ICAM1: variants seen among roughly 807,000 people sequenced by gnomAD.
The protein encoded by ICAM1 is intercellular adhesion molecule 1, also known as ICAM-1.
Under a neutral mutation model 42.3 loss-of-function variants are expected in ICAM1, and 28 were observed. The ratio of observed to expected loss-of-function variants is 0.66; its 90% CI spans 0.49 to 0.91. ICAM1 has a LOEUF of 0.91. ICAM1 is among the 40% of genes least tolerant of loss of function. The pLI, the probability that ICAM1 is intolerant of heterozygous loss-of-function variation, is 0.00. For missense variants in ICAM1, 637 were observed against 688.6 expected (o/e 0.93, Z 0.84); for synonymous variants, 304 against 305.9 (o/e 0.99, Z 0.07).
At chr19:10,274,140 G>A (rs1441686783) in intron 1 of ICAM1, among the ~76,000 whole-genome samples, 9 of 151,944 alleles carry the variant, frequency 5.9e-5, no homozygotes. Context: ...CGGGACATCT[G>A]TACTTGCCTG....
intron 1 of ICAM1, among the ~76,000 whole-genome samples, chr19:10,273,896 C>G (rs1253563717): frequency 6.6e-6 from 1 of 152,028 alleles, no homozygotes; most frequent in African/African-American, 2.4e-5. Context: ...TGCCTGTAAT[C>G]CCAGATACTC....
chr19:10,281,730 T>C (rs1371034329), intron 2 of ICAM1, among the ~76,000 whole-genome samples: 1 of 149,930 alleles, frequency 6.7e-6, no homozygotes, highest in Admixed American at 6.7e-5. Context: ...GCTTTTTTTT[T>C]TTTTTTTTTT....
chr19:10,285,122 G>C lies in ICAM1; in HGVS notation c.1434G>C (p.Arg478=), dbSNP rs752020807. The C allele has an allele frequency of 1.9e-6, 3 of 1,613,994 alleles. No individual in the cohort carries two copies. The highest frequency in any genetic ancestry group is 4.5e-5 in the East Asian group (2 of 44,898). The change falls in exon 7 of 7, where the codon CGG becomes CGC. Residue 478 remains arginine, a synonymous_variant. Transcript: ENST00000264832. ...GTTGTATCCTCCCCACAGCCCCCCG[G>C]TATGAGATTGTCATCATCACTGTGG... The part of the protein sequence containing the change: ...RKVTVNVLSP[R]YEIVIITVVA...
rs2040097436 is a variant in ICAM1, at chr19:10,285,486, T to G, written c.*199T>G. The stretch of plus-strand genomic sequence containing the variant: ...CACACCTAAAACACTAGGCCACGCA[T>G]CTGATCTGTAGTCACATGACTAAGC... On this transcript the variant is annotated 3_prime_UTR_variant, in exon 7 of 7. Transcript: ENST00000264832. 3.4e-6 allele frequency: 2 copies of G among 588,802 alleles called. No homozygotes were observed. Among genetic ancestry groups the G allele is most frequent in the Non-Finnish European group, 6.0e-6 (2 of 330,686 alleles). 36.5% of individuals were successfully genotyped at this position (588,802 alleles called of 1,614,324 possible).
chr19:10,286,555 G>T lies in ICAM1; in HGVS notation c.*1268G>T. The T allele has an allele frequency of 6.1e-6, 1 of 163,020 alleles. No individual in the cohort carries two copies. The highest frequency in any genetic ancestry group is 2.4e-5 in the African/African-American group (1 of 41,628). The allele number at this position is 163,020 out of a possible 1,614,324, so 10.1% of individuals were successfully genotyped here. ...TGATTTTTTTTTTTTTTCCAGAGACGGGGTCTCGCAACATTGCCCAGACTT... is the reference window on the plus strand; with the variant it reads ...TGATTTTTTTTTTTTTTCCAGAGACTGGGTCTCGCAACATTGCCCAGACTT... On this transcript the variant is annotated 3_prime_UTR_variant, in exon 7 of 7. Coordinates refer to ENST00000264832, the MANE Select transcript of ICAM1 (RefSeq NM_000201.3).
At position 10,283,461 on chromosome 19, in the gene ICAM1, C is replaced by G. The variant is rs1320650812; in HGVS notation, c.332-20C>G. The G allele has an allele frequency of 1.4e-5, 21 of 1,530,178 alleles. No homozygotes were observed. Among genetic ancestry groups the G allele is most frequent in the Non-Finnish European group, 1.8e-5 (20 of 1,139,064 alleles). 94.8% of individuals were successfully genotyped at this position (1,530,178 alleles called of 1,614,324 possible). A position where few individuals can be genotyped will look rare whatever the true frequency, so the allele number is the denominator to read the frequency against. Reference sequence around the variant, plus strand: ...GCAAGGTCCACTTCACCAGACACCCCCACCTCTGTTTTCCTGCAGGGACTC... The same window carrying G: ...GCAAGGTCCACTTCACCAGACACCCGCACCTCTGTTTTCCTGCAGGGACTC... On this transcript the variant is annotated intron_variant, in intron 2 of 6. Transcript: ENST00000264832.
intron 2 of ICAM1, among the ~76,000 whole-genome samples, chr19:10,279,437 G>T (rs898997393): frequency 1.3e-5 from 2 of 152,070 alleles, no homozygotes; most frequent in African/African-American, 4.8e-5. Flanking sequence ...AACTACTCTG[G>T]AGGCTCAAGT....
At position 10,274,841 on chromosome 19, in the gene ICAM1, C is replaced by G. The variant is rs200156450; in HGVS notation, c.144C>G (p.Cys48Trp). The change falls in exon 2 of 7, where the codon TGC (cysteine) becomes TGG (tryptophan). Residue 48 changes from cysteine (C) to tryptophan (W), a missense_variant. By Grantham distance (215) the Cys-to-Trp change is radical. Transcript: ENST00000264832. Reference protein sequence around the residue: ...LPRGGSVLVTCSTSCDQPKLL... With the variant: ...LPRGGSVLVTWSTSCDQPKLL... The stretch of plus-strand genomic sequence containing the variant: ...GGGGAGGCTCCGTGCTGGTGACATG[C>G]AGCACCTCCTGTGACCAGCCCAAGT... The G allele has an allele frequency of 6.2e-7, 1 of 1,614,250 alleles. No individual in the cohort carries two copies. Among genetic ancestry groups the G allele is most frequent in the Non-Finnish European group, 8.5e-7 (1 of 1,180,040 alleles).
Position 10,274,969 on chromosome 19 carries a change from T to C in ICAM1, c.272T>C (p.Met91Thr), listed in dbSNP as rs2040006656. The C allele has an allele frequency of 1.2e-6, 2 of 1,614,200 alleles. No homozygotes were observed. Among genetic ancestry groups the C allele is most frequent in the Non-Finnish European group, 1.7e-6 (2 of 1,180,028 alleles). The change falls in exon 2 of 7, where the codon ATG becomes ACG. Residue 91 changes from methionine to threonine, a missense_variant. Coordinates refer to ENST00000264832, the MANE Select transcript of ICAM1 (RefSeq NM_000201.3). ...LSNVQEDSQP[M>T]CYSNCPDGQS... ...AATGTGCAAGAAGATAGCCAACCAATGTGCTATTCAAACTGCCCTGATGGG... is the reference window on the plus strand; with the variant it reads ...AATGTGCAAGAAGATAGCCAACCAACGTGCTATTCAAACTGCCCTGATGGG...
At chr19:10,280,756 A>G (rs925212004) in intron 2 of ICAM1, among the ~76,000 whole-genome samples, 9 of 151,766 alleles carry the variant, frequency 5.9e-5, no homozygotes, top group Admixed American at 3.9e-4. Context: ...TTTAGTAAAG[A>G]CAGGGTTTCT....
At position 10,284,313 on chromosome 19, in the gene ICAM1, C is replaced by T. The variant is rs771018156; in HGVS notation, c.918C>T (p.Thr306=). Residue 306 remains threonine, a synonymous_variant, in exon 4 of 7, where the codon ACC becomes ACT. Coordinates refer to ENST00000264832, the MANE Select transcript of ICAM1 (RefSeq NM_000201.3). The surrounding 1 kb of genome is among the most constrained non-coding windows in gnomAD (Gnocchi z 5.4). ...NQSQETLQTV[T]IYSFPAPNVI... ...GCCAGGAGACACTGCAGACAGTGAC[C>T]ATCTACAGTAAGAAGGGGCAGGGGC... is the stretch of plus-strand genomic sequence containing the variant. 2 of 1,613,368 alleles carry T rather than the reference C, an allele frequency of 1.2e-6. No individual in the cohort carries two copies. The highest frequency in any genetic ancestry group is 1.7e-6 in the Non-Finnish European group (2 of 1,179,896).
In ICAM1 at chr19:10,284,476, G is replaced by A; in HGVS notation, c.999G>A (p.Glu333=). 6.2e-7 allele frequency: 1 copy of A among 1,614,050 alleles called. No individual in the cohort carries two copies. The highest frequency in any genetic ancestry group is 8.5e-7 in the Non-Finnish European group (1 of 1,180,020). The part of the protein sequence containing the change: ...SEGTEVTVKC[E]AHPRAKVTLN... Reference sequence around the variant, plus strand: ...GGACCGAGGTGACAGTGAAGTGTGAGGCCCACCCTAGAGCCAAGGTGACGC... The same window carrying A: ...GGACCGAGGTGACAGTGAAGTGTGAAGCCCACCCTAGAGCCAAGGTGACGC... Residue 333 remains glutamate (E), a synonymous_variant, in exon 5 of 7, where the codon GAG becomes GAA. Transcript: ENST00000264832. This position sits in a 1 kb window ranked among gnomAD's most constrained non-coding sequence, Gnocchi z 5.4.
intron 2 of ICAM1, among the ~76,000 whole-genome samples, chr19:10,275,753 G>C (rs2040011802): frequency 6.8e-6 from 1 of 146,738 alleles, no homozygotes; most frequent in Admixed American, 6.9e-5. Flanking sequence ...TGTCGCCCAG[G>C]CTGGAGTGCA....
At chr19:10,283,365 TG>T in intron 2 of ICAM1, 115 bp from the exon 3 acceptor site, 1 of 979,304 alleles carries the variant, frequency 1.0e-6, no homozygotes, top group Non-Finnish European at 1.5e-6. Context: ...CTTAGGTGTC[TG>T]GGCGTGTTTG....
intron 2 of ICAM1, among the ~76,000 whole-genome samples, chr19:10,277,693 G>A (rs1039361817): frequency 1.3e-5 from 2 of 151,706 alleles, no homozygotes; most frequent in African/African-American, 2.4e-5. Flanking sequence ...TCATCATGTT[G>A]GCCAGGCTGG....
chr19:10,283,872 G>T lies in ICAM1; in HGVS notation c.637+86G>T, dbSNP rs1301832574. ...CTGTGGCCACAGGATCTTTTGAGAT[G>T]GGTGTGGCCCCGGCTAAGGGGTGCA... On this transcript the variant is annotated intron_variant, in intron 3 of 6. Transcript: ENST00000264832. The T allele has an allele frequency of 6.2e-6, 9 of 1,461,248 alleles. No homozygotes were observed. The Admixed American group carries it at 1.8e-4, about 30-fold the overall frequency. 90.5% of individuals were successfully genotyped at this position (1,461,248 alleles called of 1,614,324 possible). A position where few individuals can be genotyped will look rare whatever the true frequency, so the allele number is the denominator to read the frequency against.
intron 1 of ICAM1, among the ~76,000 whole-genome samples, chr19:10,273,661 T>G (rs1379874160): frequency 6.6e-6 from 1 of 150,602 alleles, no homozygotes; most frequent in Non-Finnish European, 1.5e-5. Context: ...GGAGACCCGT[T>G]TAAAAAAAAA....
intron 3 of ICAM1, 75 bp downstream of exon 3, chr19:10,283,861 T>G: frequency 1.4e-6 from 2 of 1,475,768 alleles, no homozygotes; most frequent in Non-Finnish European, 1.8e-6. Flanking sequence ...GGCCACAGGA[T>G]CTTTTGAGAT....
chr19:10,281,074 C>CA (rs1405583129), intron 2 of ICAM1, among the ~76,000 whole-genome samples: 13 of 151,356 alleles, frequency 8.6e-5, no homozygotes, highest in African/African-American at 3.2e-4. Flanking sequence ...GGGGTTTCAC[C>CA]GTGTTAGCCA....
Sources: gnomAD v4.1 joint callset for allele counts (sites outside exome capture counted in the v4.1 genomes callset) on GRCh38, gnomAD v4.1.1 for gene constraint, Gnocchi (gnomAD v3.1) non-coding constraint, MANE v1.5 for transcripts, NCBI Gene and HGNC (gene_info 2026-07-23, HGNC 2026-07-21) for gene names.